The following FRYL variants were observed in gnomAD, a reference collection of about 807,000 sequenced individuals.
FRYL encodes the protein FRY like transcription coactivator, also known as protein furry homolog-like.
Under a neutral mutation model 351.2 loss-of-function variants are expected in FRYL, and 150 were observed. The ratio of observed to expected loss-of-function variants is 0.43; its 90% CI spans 0.37 to 0.49. The LOEUF (loss-of-function observed/expected upper bound fraction) is 0.49, where lower values mean the gene tolerates loss of function less well. Ranked by LOEUF, FRYL falls within the 20% of genes least tolerant of loss-of-function variation. FRYL has a pLI of 0.00. For missense variants in FRYL, 3,036 were observed against 3,619.3 expected (o/e 0.84, Z 4.13); for synonymous variants, 1,153 against 1,257.1 (o/e 0.92, Z 1.75).
chr4:48,516,198 A>G (rs1723554000), intron 55 of FRYL, among the ~76,000 whole-genome samples: 1 of 152,240 alleles, frequency 6.6e-6, no homozygotes, highest in African/African-American at 2.4e-5. Context: ...CAAGCTCATT[A>G]TCAAAAAAGA....
intron 3 of FRYL, among the ~76,000 whole-genome samples, chr4:48,674,633 A>G (rs1246341622): frequency 9.6e-5 from 14 of 146,524 alleles, no homozygotes. Context: ...GCTACTCGGG[A>G]GGCTGAGGCA....
chr4:48,557,359 A>G (rs1373259692), intron 34 of FRYL, 94 bp downstream of exon 34: 4 of 1,478,150 alleles, frequency 2.7e-6, no homozygotes, highest in Non-Finnish European at 3.7e-6. Flanking sequence ...TTGTTTGGTT[A>G]TCACAGGATT....
intron 2 of FRYL, among the ~76,000 whole-genome samples, chr4:48,687,982 C>G (rs1394024203): frequency 6.6e-6 from 1 of 152,056 alleles, no homozygotes. Flanking sequence ...AACATTCTTA[C>G]AGAATGTTAT....
At chr4:48,612,284 C>T (rs540991399) in intron 7 of FRYL, among the ~76,000 whole-genome samples, 5 of 151,634 alleles carry the variant, frequency 3.3e-5, no homozygotes, top group African/African-American at 1.2e-4. Flanking sequence ...ATATTTTCTT[C>T]GAGGCATCCA....
At chr4:48,764,662 A>C (rs1021810595) in intron 1 of FRYL, among the ~76,000 whole-genome samples, 2 of 152,232 alleles carry the variant, frequency 1.3e-5, no homozygotes, top group African/African-American at 4.8e-5. Context: ...AAATTTAAAC[A>C]AGGAAGGGAT....
At chr4:48,499,978 A>G in intron 63 of FRYL, 52 bp downstream of exon 63, 5 of 1,259,600 alleles carry the variant, frequency 4.0e-6, no homozygotes, top group Non-Finnish European at 3.4e-6. Flanking sequence ...TAGTATTACT[A>G]AACTTCCTGT....
At chr4:48,639,114 A>C (rs1754837508) in intron 3 of FRYL, among the ~76,000 whole-genome samples, 1 of 152,128 alleles carries the variant, frequency 6.6e-6, no homozygotes. Context: ...ATAAAAAAAA[A>C]ATCTGACTTC....
chr4:48,581,494 G>T lies in FRYL; in HGVS notation c.2098C>A (p.Pro700Thr). Residue 700 changes from proline to threonine, a missense_variant, in exon 21 of 64, where the codon CCT becomes ACT. Physicochemically the swap from Pro to Thr is conservative, Grantham distance 38. This residue lies in a region of FRYL where 492 missense variants were observed against 551.5 expected (regional missense o/e 0.89). Transcript: ENST00000358350. ...CTGACGGCTAGTCTCCTAGTGGCAG[G>T]TCGACTGCTACAGAGAATGACAAGC... ...FALVILCSSR[P>T]ATRRLAVSVL... 1 of 1,614,074 alleles carries T rather than the reference G, an allele frequency of 6.2e-7. No individual in the cohort carries two copies. The highest frequency in any genetic ancestry group is 8.5e-7 in the Non-Finnish European group (1 of 1,179,954).
At chr4:48,569,265 T>C (rs1252685360) in intron 27 of FRYL, among the ~76,000 whole-genome samples, 1 of 152,194 alleles carries the variant, frequency 6.6e-6, no homozygotes, top group African/African-American at 2.4e-5. Context: ...CTTTAACTCT[T>C]ATTTTTTGTG....
intron 2 of FRYL, among the ~76,000 whole-genome samples, chr4:48,685,551 T>C (rs777533770): frequency 1.3e-5 from 2 of 152,198 alleles, no homozygotes; most frequent in African/African-American, 4.8e-5. Flanking sequence ...CTGATATTTA[T>C]CACATCTACA....
At chr4:48,707,832 T>C (rs1221944620) in intron 2 of FRYL, among the ~76,000 whole-genome samples, 1 of 151,580 alleles carries the variant, frequency 6.6e-6, no homozygotes, top group Non-Finnish European at 1.5e-5. Flanking sequence ...TTTTCTTTTT[T>C]TTTTTTGAGA....
At chr4:48,764,870 A>G (rs1010502354) in intron 1 of FRYL, among the ~76,000 whole-genome samples, 2 of 152,110 alleles carry the variant, frequency 1.3e-5, no homozygotes, top group African/African-American at 2.4e-5. Context: ...CCCGAGATGA[A>G]GTCTTGCTCT....
intron 16 of FRYL, among the ~76,000 whole-genome samples, chr4:48,593,589 GCC>G (rs1743979683): frequency 6.6e-6 from 1 of 151,100 alleles, no homozygotes; most frequent in Non-Finnish European, 1.5e-5. Flanking sequence ...CAGGTGATCT[GCC>G]AGCCTCAGGT....
chr4:48,645,403 T>C (rs1277893039), intron 3 of FRYL, among the ~76,000 whole-genome samples: 1 of 151,980 alleles, frequency 6.6e-6, no homozygotes. Context: ...CCCACAAAAA[T>C]GGCAAAGGAT....
intron 27 of FRYL, among the ~76,000 whole-genome samples, chr4:48,569,305 C>T (rs1157446531): frequency 6.6e-6 from 1 of 152,074 alleles, no homozygotes; most frequent in African/African-American, 2.4e-5. Flanking sequence ...GTATTTCTTT[C>T]TTTCTTTTTT....
At chr4:48,572,612 T>C (rs769208857) in intron 26 of FRYL, among the ~76,000 whole-genome samples, 9 of 152,216 alleles carry the variant, frequency 5.9e-5, no homozygotes, top group Non-Finnish European at 1.2e-4. Context: ...TCTGTAGTTC[T>C]TAGAATCTCT....
chr4:48,535,462 T>C (rs1197942175), intron 48 of FRYL, among the ~76,000 whole-genome samples, 195 bp downstream of exon 48: 1 of 152,084 alleles, frequency 6.6e-6, no homozygotes, highest in Non-Finnish European at 1.5e-5. Context: ...TAAAAAATTG[T>C]TAACTATGTT....
At chr4:48,628,261 G>A (rs950508602) in intron 4 of FRYL, among the ~76,000 whole-genome samples, 10 of 152,068 alleles carry the variant, frequency 6.6e-5, no homozygotes, top group African/African-American at 2.4e-4. Flanking sequence ...GGCCAAAACT[G>A]CCTATCAATA....
chr4:48,733,593 T>C (rs1007225454), intron 1 of FRYL, among the ~76,000 whole-genome samples: 1 of 152,104 alleles, frequency 6.6e-6, no homozygotes, highest in African/African-American at 2.4e-5. Flanking sequence ...CAGGAAACAG[T>C]TGTTCAAAAT....
Sources: allele counts gnomAD v4.1 joint callset (sites outside exome capture counted in the v4.1 genomes callset), GRCh38; gene constraint gnomAD v4.1.1; regional missense constraint gnomAD v4.1.1; transcripts MANE v1.5; gene names NCBI Gene and HGNC (gene_info 2026-07-23, HGNC 2026-07-21).